Variants in KBTBD12 observed in about 807,000 individuals in gnomAD.
KBTBD12 encodes kelch repeat and BTB domain containing 12, also known as kelch repeat and BTB domain-containing protein 12.
A neutral mutation model predicts 58.7 loss-of-function variants in KBTBD12; 53 were observed. The ratio of observed to expected loss-of-function variants is 0.90; its 90% confidence interval spans 0.72 to 1.14. KBTBD12 has a LOEUF of 1.14. Ranked by LOEUF, KBTBD12 falls within the 50% of genes most tolerant of loss-of-function variation. The pLI is 0.00. For synonymous variants in KBTBD12, 236 were observed against 259.8 expected (o/e 0.91, Z 0.88); for missense variants, 704 against 751.3 (o/e 0.94, Z 0.74).
chr3:127,961,982 C>T (rs916301912), intron 4 of KBTBD12, among the ~76,000 whole-genome samples: 1 of 152,176 alleles, frequency 6.6e-6, no homozygotes, highest in Non-Finnish European at 1.5e-5. Context: ...GTTTTGAGAT[C>T]GCTGTCAACA....
intron 4 of KBTBD12, among the ~76,000 whole-genome samples, chr3:127,939,349 A>G (rs1939898211): frequency 1.3e-5 from 2 of 152,214 alleles, no homozygotes; most frequent in Non-Finnish European, 2.9e-5. Flanking sequence ...AGGGGTAACT[A>G]GAACCTCAAG....
At chr3:127,916,356 G>C (rs769229681) in intron 1 of KBTBD12, among the ~76,000 whole-genome samples, 16 of 152,158 alleles carry the variant, frequency 1.1e-4, no homozygotes, top group Admixed American at 2.0e-4. Context: ...GCAAGCGTAG[G>C]ATTTTAGCAA....
intron 1 of KBTBD12, among the ~76,000 whole-genome samples, chr3:127,919,955 G>C (rs1033610283): frequency 2.0e-5 from 3 of 152,092 alleles, no homozygotes; most frequent in African/African-American, 7.2e-5. Flanking sequence ...GCATGTCTTG[G>C]ATACCCACCA....
At chr3:127,956,164 T>C (rs1349362643) in intron 4 of KBTBD12, among the ~76,000 whole-genome samples, 1 of 152,180 alleles carries the variant, frequency 6.6e-6, no homozygotes, top group Non-Finnish European at 1.5e-5. Context: ...AAAATATATT[T>C]CCAGTTAATC....
intron 4 of KBTBD12, among the ~76,000 whole-genome samples, chr3:127,943,330 C>T (rs892453117): frequency 1.3e-5 from 2 of 152,112 alleles, no homozygotes; most frequent in Non-Finnish European, 2.9e-5. Context: ...GTTCCCTTTT[C>T]TCTGTATTGT....
intron 5 of KBTBD12, among the ~76,000 whole-genome samples, chr3:127,968,707 C>T (rs1940630918): frequency 6.6e-6 from 1 of 152,016 alleles, no homozygotes; most frequent in Non-Finnish European, 1.5e-5. Context: ...GTGCAGCACA[C>T]CACCATGGCA....
intron 5 of KBTBD12, among the ~76,000 whole-genome samples, chr3:127,978,052 C>T (rs1314300238): frequency 6.6e-6 from 1 of 152,182 alleles, no homozygotes; most frequent in Non-Finnish European, 1.5e-5. Flanking sequence ...TATGGCTAGC[C>T]AGCCATCCCA....
chr3:127,978,058 TC>T (rs1358310043), intron 5 of KBTBD12, among the ~76,000 whole-genome samples: 1 of 152,222 alleles, frequency 6.6e-6, no homozygotes, highest in African/African-American at 2.4e-5. Flanking sequence ...TAGCCAGCCA[TC>T]CCAGCACCAT....
chr3:127,963,227 C>T lies in KBTBD12; in HGVS notation c.1531C>T (p.Arg511Ter), dbSNP rs759788661. 30 of 1,611,812 alleles carry T rather than the reference C, an allele frequency of 1.9e-5. No homozygotes were observed. The highest frequency in any genetic ancestry group is 1.2e-4 in the African/African-American group (9 of 74,742). Reference protein sequence around the residue: ...GCVGQDKGQVRKCLDVVEIYN... With the variant: ...GCVGQDKGQV ...TGTAGGTCAAGACAAGGGCCAGGTT[C>T]GAAAATGCCTTGACGTGGTGGAGAT... Residue 511 changes from arginine (R) to a stop codon, truncating the protein, a stop_gained, in exon 5 of 6, where the codon CGA (arginine) becomes TGA (stop). Transcript: ENST00000405109. LOFTEE classifies it high-confidence loss of function.
At chr3:127,918,495 G>A (rs984355876) in intron 1 of KBTBD12, among the ~76,000 whole-genome samples, 9 of 152,132 alleles carry the variant, frequency 5.9e-5, no homozygotes, top group Non-Finnish European at 1.0e-4. Context: ...GGCAGATCAC[G>A]AGGTCAGCAG....
intron 5 of KBTBD12, among the ~76,000 whole-genome samples, chr3:127,981,994 A>G (rs1940881996): frequency 6.6e-6 from 1 of 152,142 alleles, no homozygotes; most frequent in African/African-American, 2.4e-5. Context: ...TTACCATAAA[A>G]TTGTTAAATA....
At chr3:127,968,557 A>G (rs1341934478) in intron 5 of KBTBD12, among the ~76,000 whole-genome samples, 2 of 152,164 alleles carry the variant, frequency 1.3e-5, no homozygotes, top group African/African-American at 4.8e-5. Flanking sequence ...AGAATTATAC[A>G]CCGTGTTCGA....
intron 5 of KBTBD12, among the ~76,000 whole-genome samples, chr3:127,964,765 A>C (rs1940530039): frequency 1.3e-5 from 2 of 152,200 alleles, no homozygotes; most frequent in South Asian, 4.1e-4. Context: ...GAATACATTG[A>C]AAGTTGCCAT....
Position 127,962,587 on chromosome 3 carries a change from C to T in KBTBD12, c.1493-602C>T, listed in dbSNP as rs563343092. On this transcript the variant is annotated intron_variant, in intron 4 of 5. Transcript: ENST00000405109. ...TCCTTATTATAACTTAGCACATTGCCTTACATATAATAGGCACTTAATAAT... is the reference window on the plus strand; with the variant it reads ...TCCTTATTATAACTTAGCACATTGCTTTACATATAATAGGCACTTAATAAT... Among the ~76,000 whole-genome samples, 14 of 152,286 alleles carry T rather than the reference C, an allele frequency of 9.2e-5. No homozygotes were observed. In the South Asian group the frequency reaches 2.7e-3, roughly 29 times the overall value.
chr3:127,974,476 T>C (rs183676027), intron 5 of KBTBD12, among the ~76,000 whole-genome samples: 7 of 152,216 alleles, frequency 4.6e-5, no homozygotes. Flanking sequence ...TGAACAGGTT[T>C]CTGTATGGGC....
intron 4 of KBTBD12, among the ~76,000 whole-genome samples, chr3:127,957,270 A>G (rs1940338030): frequency 6.6e-6 from 1 of 152,208 alleles, no homozygotes; most frequent in East Asian, 1.9e-4. Context: ...TTTCTTTAAT[A>G]TTTATTTCAC....
intron 5 of KBTBD12, among the ~76,000 whole-genome samples, chr3:127,980,249 G>A (rs184062769): frequency 2.5e-4 from 38 of 152,306 alleles, no homozygotes; most frequent in Middle Eastern, 6.8e-3. Context: ...CAAAGTTTTT[G>A]GTTTGAGGTA....
chr3:127,978,722 AC>A (rs1008134026), intron 5 of KBTBD12, among the ~76,000 whole-genome samples: 2 of 152,260 alleles, frequency 1.3e-5, no homozygotes, highest in African/African-American at 4.8e-5. Flanking sequence ...GACCAGGGAA[AC>A]TTTGGTCCCA....
intron 5 of KBTBD12, among the ~76,000 whole-genome samples, chr3:127,980,240 A>G (rs1223433373): frequency 6.6e-6 from 1 of 152,238 alleles, no homozygotes; most frequent in Admixed American, 6.5e-5. Flanking sequence ...AGCACATTTC[A>G]AAGTTTTTGG....
Sources: gnomAD v4.1 joint callset for allele counts (sites outside exome capture counted in the v4.1 genomes callset) on GRCh38, gnomAD v4.1.1 for gene constraint, MANE v1.5 for transcripts, NCBI Gene and HGNC (gene_info 2026-07-23, HGNC 2026-07-21) for gene names.